The following PLEKHM3 variants were observed in gnomAD, a reference collection of about 807,000 sequenced individuals.
PLEKHM3 encodes the protein pleckstrin homology domain-containing family M member 3.
In PLEKHM3, 45 loss-of-function variants were observed where a neutral mutation model predicts 81.8. The ratio of observed to expected loss-of-function variants is 0.55; its 90% CI spans 0.43 to 0.71. The LOEUF (loss-of-function observed/expected upper bound fraction) is 0.71. Ranked by LOEUF, PLEKHM3 falls within the 30% of genes least tolerant of loss-of-function variation. The pLI is 0.00. For synonymous variants in PLEKHM3, 352 were observed against 356.4 expected (o/e 0.99, Z 0.14); for missense variants, 788 against 924.3 (o/e 0.85, Z 1.91).
At chr2:207,881,125 TATA>T (rs952587601) in intron 6 of PLEKHM3, among the ~76,000 whole-genome samples, 1 of 152,212 alleles carries the variant, frequency 6.6e-6, no homozygotes, top group African/African-American at 2.4e-5. Flanking sequence ...TAGTATTATT[TATA>T]ATAATACAAA....
chr2:207,974,057 T>C (rs1221330486), intron 3 of PLEKHM3, among the ~76,000 whole-genome samples: 1 of 152,178 alleles, frequency 6.6e-6, no homozygotes, highest in Non-Finnish European at 1.5e-5. Flanking sequence ...CCTGATTCCG[T>C]ACTACTACCC....
At position 207,972,352 on chromosome 2, in the gene PLEKHM3, C is replaced by T. The variant is rs541861252; in HGVS notation, c.1546+4299G>A. Among the ~76,000 whole-genome samples, 15 of 43,092 alleles carry T rather than the reference C, an allele frequency of 3.5e-4. 1 individual carries two copies. Among genetic ancestry groups the T allele is most frequent in the Non-Finnish European group, 4.7e-4 (10 of 21,236 alleles). The allele number at this position is 43,092 out of a possible 152,430, so 28.3% of individuals were successfully genotyped here. Reference sequence around the variant, plus strand: ...CCCAGCACTTTGGGAGGCCGGGGGGCGGGGGGGCGGTGGATCATGAGGTCA... The same window carrying T: ...CCCAGCACTTTGGGAGGCCGGGGGGTGGGGGGGCGGTGGATCATGAGGTCA... On this transcript the variant is annotated intron_variant, in intron 3 of 7. Transcript: ENST00000427836.
chr2:207,956,746 T>TTTTTTTTTTGA (rs1690527953), intron 3 of PLEKHM3, among the ~76,000 whole-genome samples: 1 of 137,728 alleles, frequency 7.3e-6, no homozygotes, highest in East Asian at 2.0e-4. Context: ...TTTTTTTTTT[T>TTTTTTTTTTGA]GCAGAGACCC....
chr2:208,016,670 T>TACACACACACAC (rs370576889), intron 1 of PLEKHM3, among the ~76,000 whole-genome samples: 36 of 65,054 alleles, frequency 5.5e-4, no homozygotes, highest in South Asian at 2.6e-3. Flanking sequence ...AAAAAAAAAA[T>TACACACACACAC]ACACACACAC....
intron 6 of PLEKHM3, among the ~76,000 whole-genome samples, chr2:207,866,272 C>T (rs1282659793): frequency 2.0e-5 from 3 of 152,138 alleles, no homozygotes. Context: ...TCTCCTGCCT[C>T]AGCCTCCCAA....
chr2:207,895,421 A>G (rs1390337650), intron 6 of PLEKHM3, among the ~76,000 whole-genome samples: 1 of 152,198 alleles, frequency 6.6e-6, no homozygotes, highest in African/African-American at 2.4e-5. Context: ...TTATTACCCA[A>G]ACTCAAATCC....
At chr2:207,864,572 G>C (rs2092485761) in intron 6 of PLEKHM3, among the ~76,000 whole-genome samples, 1 of 152,218 alleles carries the variant, frequency 6.6e-6, no homozygotes, top group Non-Finnish European at 1.5e-5. Flanking sequence ...AGTAAAGGTT[G>C]ATGAAACTGG....
chr2:207,877,145 A>C (rs2092563551), intron 6 of PLEKHM3, among the ~76,000 whole-genome samples: 1 of 152,246 alleles, frequency 6.6e-6, no homozygotes, highest in African/African-American at 2.4e-5. Context: ...AGATAAGATT[A>C]GTTTCAAAAA....
chr2:207,967,581 A>C (rs1690961462), intron 3 of PLEKHM3, among the ~76,000 whole-genome samples: 1 of 152,234 alleles, frequency 6.6e-6, no homozygotes, highest in African/African-American at 2.4e-5. Context: ...TGCCTATAGT[A>C]TCTTTATCCA....
At chr2:207,882,096 A>C (rs941583532) in intron 6 of PLEKHM3, among the ~76,000 whole-genome samples, 1 of 152,204 alleles carries the variant, frequency 6.6e-6, no homozygotes, top group Non-Finnish European at 1.5e-5. Context: ...CTTTAAAGAG[A>C]AATTTAAGGA....
intron 7 of PLEKHM3, among the ~76,000 whole-genome samples, chr2:207,836,474 G>T (rs903404911): frequency 4.6e-5 from 7 of 152,164 alleles, no homozygotes; most frequent in African/African-American, 1.4e-4. Context: ...CAGACACGAT[G>T]CTCTTATTGT....
chr2:207,874,630 C>T (rs915319198), intron 6 of PLEKHM3, among the ~76,000 whole-genome samples: 13 of 151,700 alleles, frequency 8.6e-5, no homozygotes, highest in South Asian at 4.2e-4. Context: ...CTTGCTCTGT[C>T]GCCCAGGCTG....
In PLEKHM3 at chr2:207,863,716, T is replaced by C. The variant is rs950274843; in HGVS notation, c.1951-2454A>G. ...TAAGCAGCCGTGGGCTGTGGGCAGA[T>C]AGGACCTCAGAGATGCAGCATGAGG... On this transcript the variant is annotated intron_variant, in intron 6 of 7. Transcript: ENST00000427836. Among the ~76,000 whole-genome samples, 7 of 152,174 alleles carry C rather than the reference T, an allele frequency of 4.6e-5. No individual in the cohort carries two copies. In the South Asian group the frequency reaches 6.2e-4, roughly 14 times the overall value.
intron 6 of PLEKHM3, among the ~76,000 whole-genome samples, chr2:207,887,726 T>C (rs180887017): frequency 6.6e-6 from 1 of 152,314 alleles, no homozygotes; most frequent in South Asian, 2.1e-4. Context: ...ATATCTAAGC[T>C]TGTTGCCTTT....
Position 207,823,437 on chromosome 2 carries a change from G to C in PLEKHM3, c.*4882C>G, listed in dbSNP as rs564250416. 6.6e-6 allele frequency: 1 copy of C among 152,170 alleles called. No individual in the cohort carries two copies. The highest frequency in any genetic ancestry group is 1.9e-4 in the East Asian group (1 of 5,174). The allele number at this position is 152,170 out of a possible 1,614,324, so 9.4% of individuals were successfully genotyped here. ...CTGCCTCAGTCTCCCAAGTAGCTGG[G>C]ATTATAGGCATCCACCAAAACACTC... is the stretch of plus-strand genomic sequence containing the variant. On this transcript the variant is annotated 3_prime_UTR_variant, in exon 8 of 8. Transcript: ENST00000427836.
At chr2:207,868,561 A>C (rs2092515194) in intron 6 of PLEKHM3, 1 of 152,228 alleles carries the variant, frequency 6.6e-6, no homozygotes. Flanking sequence ...TAACTGAAAA[A>C]TTAGGACAGT....
chr2:207,908,689 C>A, intron 5 of PLEKHM3, 112 bp from the exon 6 acceptor site: 1 of 879,416 alleles, frequency 1.1e-6, no homozygotes, highest in Non-Finnish European at 1.7e-6. Context: ...GTCCACTTTC[C>A]ACCTATACTT....
At chr2:207,879,672 G>A (rs1418892452) in intron 6 of PLEKHM3, among the ~76,000 whole-genome samples, 2 of 152,122 alleles carry the variant, frequency 1.3e-5, no homozygotes, top group African/African-American at 2.4e-5. Context: ...TAACCTCTAG[G>A]GGATGTGTGA....
intron 7 of PLEKHM3, among the ~76,000 whole-genome samples, chr2:207,829,593 A>G (rs2092273182): frequency 6.6e-6 from 1 of 152,072 alleles, no homozygotes; most frequent in African/African-American, 2.4e-5. Context: ...GCTTTTAATA[A>G]TGAGTAACTG....
Sources: allele counts gnomAD v4.1 joint callset (sites outside exome capture counted in the v4.1 genomes callset), GRCh38; gene constraint gnomAD v4.1.1; transcripts MANE v1.5; gene names NCBI Gene and HGNC (gene_info 2026-07-23, HGNC 2026-07-21).